The following ISM2 variants were observed in gnomAD, a reference collection of about 807,000 sequenced individuals.
ISM2 encodes isthmin-2.
In ISM2, 50 loss-of-function variants were observed where a neutral mutation model predicts 58.0. The ratio of observed to expected loss-of-function variants is 0.86; its 90% CI spans 0.69 to 1.09. The LOEUF (loss-of-function observed/expected upper bound fraction) is 1.09. Ranked by LOEUF, ISM2 falls within the 50% of genes least tolerant of loss-of-function variation. The pLI, the probability that ISM2 is intolerant of heterozygous loss-of-function variation, is 0.00. For synonymous variants in ISM2, 303 were observed against 312.4 expected (o/e 0.97, Z 0.32); for missense variants, 723 against 745.0 (o/e 0.97, Z 0.34).
At chr14:77,488,961 C>T (rs567233623) in intron 1 of ISM2, among the ~76,000 whole-genome samples, 1 of 152,316 alleles carries the variant, frequency 6.6e-6, no homozygotes, top group Admixed American at 6.5e-5. Context: ...TGTACAAACA[C>T]ACAAGGCCAT....
chr14:77,477,104 G>A (rs1281586679), intron 6 of ISM2, among the ~76,000 whole-genome samples: 1 of 152,100 alleles, frequency 6.6e-6, no homozygotes, highest in African/African-American at 2.4e-5. Flanking sequence ...CCAGAAAGAG[G>A]TGCCCCCCAG....
At chr14:77,498,298 T>C in intron 1 of ISM2, 1 of 1,343,426 alleles carries the variant, frequency 7.4e-7, no homozygotes, top group Non-Finnish European at 9.8e-7. Flanking sequence ...GCGGGACTCC[T>C]CTCCGAGCTA....
intron 3 of ISM2, 79 bp downstream of exon 3, chr14:77,484,244 A>T (rs2139961772): frequency 7.2e-6 from 11 of 1,525,952 alleles, no homozygotes; most frequent in African/African-American, 2.7e-5. Context: ...TCCAGGATAT[A>T]GGGTATCCTG....
chr14:77,481,035 G>A (rs1014373358), intron 4 of ISM2, among the ~76,000 whole-genome samples: 3 of 151,666 alleles, frequency 2.0e-5, no homozygotes, highest in Non-Finnish European at 4.4e-5. Flanking sequence ...ACCACAATAC[G>A]CAAAAATAAA....
chr14:77,496,492 GAAAA>G, intron 1 of ISM2, among the ~76,000 whole-genome samples: 1 of 139,056 alleles, frequency 7.2e-6, no homozygotes, highest in South Asian at 2.3e-4. Context: ...CCGTCTCCGG[GAAAA>G]AAAATAGCCG....
chr14:77,479,078 C>T (rs1033533588), intron 4 of ISM2, among the ~76,000 whole-genome samples: 1 of 152,130 alleles, frequency 6.6e-6, no homozygotes, highest in Non-Finnish European at 1.5e-5. Flanking sequence ...TTTTTAATTT[C>T]TTTTCTGTGT....
chr14:77,478,823 G>T, intron 4 of ISM2, 108 bp from the exon 5 acceptor site: 1 of 1,154,338 alleles, frequency 8.7e-7, no homozygotes, highest in Non-Finnish European at 1.3e-6. Context: ...CCATGCCAGG[G>T]CTTCCAGCCT....
intron 4 of ISM2, among the ~76,000 whole-genome samples, chr14:77,481,992 C>T (rs971645213): frequency 6.6e-6 from 1 of 150,768 alleles, no homozygotes; most frequent in Admixed American, 6.6e-5. Context: ...TCCAGCTATT[C>T]GGAGGCTAAG....
Position 77,498,787 on chromosome 14 carries a change from C to G in ISM2, c.7G>C (p.Ala3Pro). ...AGGAGCCCGGCTCGGTCGCGGAGCG[C>G]ACGCATCGTCTCGGTTCCGAGGCTG... MR[A>P]LRDRAGLLLC... The change falls in exon 1 of 7, where the codon GCG (alanine) becomes CCG (proline). Residue 3 changes from alanine (A) to proline (P), a missense_variant. Coordinates refer to ENST00000342219, the MANE Select transcript of ISM2 (RefSeq NM_199296.3). 6.9e-7 allele frequency: 1 copy of G among 1,444,920 alleles called. No individual in the cohort carries two copies. The highest frequency in any genetic ancestry group is 9.0e-7 in the Non-Finnish European group (1 of 1,108,612). The allele number at this position is 1,444,920 out of a possible 1,614,324, so 89.5% of individuals were successfully genotyped here.
At chr14:77,487,991 C>T (rs2079178569) in intron 1 of ISM2, among the ~76,000 whole-genome samples, 1 of 152,158 alleles carries the variant, frequency 6.6e-6, no homozygotes, top group Non-Finnish European at 1.5e-5. Context: ...CGTACATCTC[C>T]CAGAAGGGCT....
Position 77,475,347 on chromosome 14 carries a change from C to T in ISM2, c.*248G>A. The T allele has an allele frequency of 7.5e-6, 3 of 399,608 alleles. No homozygotes were observed. Among genetic ancestry groups the T allele is most frequent in the South Asian group, 1.2e-4 (2 of 16,126 alleles). 24.8% of individuals were successfully genotyped at this position (399,608 alleles called of 1,614,324 possible). A position where few individuals can be genotyped will look rare whatever the true frequency, so the allele number is the denominator to read the frequency against. ...AGGGAGGCCCCGGCAGACACATGCA[C>T]ATATGCACATTTCCAGGGCTCCCAG... On this transcript the variant is annotated 3_prime_UTR_variant, in exon 7 of 7. Coordinates refer to ENST00000342219, the MANE Select transcript of ISM2 (RefSeq NM_199296.3). The surrounding 1 kb of genome is among the most constrained non-coding windows in gnomAD (Gnocchi z 4.1).
chr14:77,476,510 A>G (rs1002467738), intron 6 of ISM2, among the ~76,000 whole-genome samples: 3 of 152,108 alleles, frequency 2.0e-5, no homozygotes, highest in Admixed American at 6.6e-5. Context: ...AGGTTTCATT[A>G]TTTTAGCCAC....
intron 4 of ISM2, 103 bp downstream of exon 4, chr14:77,482,219 C>A: frequency 1.2e-6 from 1 of 800,430 alleles, no homozygotes; most frequent in Non-Finnish European, 2.0e-6. Context: ...TCCTGGCTTC[C>A]TCAATGGTCT....
chr14:77,493,563 G>A (rs2079219994), intron 1 of ISM2, among the ~76,000 whole-genome samples: 1 of 152,072 alleles, frequency 6.6e-6, no homozygotes, highest in African/African-American at 2.4e-5. Context: ...CTTAGTTCAA[G>A]CAATTCTCCT....
intron 1 of ISM2, among the ~76,000 whole-genome samples, chr14:77,487,856 G>A (rs1451736179): frequency 6.6e-6 from 1 of 152,102 alleles, no homozygotes; most frequent in East Asian, 1.9e-4. Flanking sequence ...CAATCCCCCT[G>A]GGCTCCTCCG....
At chr14:77,489,753 G>A (rs777721270) in intron 1 of ISM2, among the ~76,000 whole-genome samples, 18 of 152,292 alleles carry the variant, frequency 1.2e-4, no homozygotes, top group South Asian at 6.2e-4. Flanking sequence ...AGTGCTCCCC[G>A]CACAGGGCCG....
chr14:77,485,403 C>T (rs1416645255), intron 1 of ISM2, among the ~76,000 whole-genome samples: 2 of 152,252 alleles, frequency 1.3e-5, no homozygotes, highest in Non-Finnish European at 2.9e-5. Context: ...GTCCGCTAGG[C>T]CCCACCCAGG....
At chr14:77,483,701 C>T (rs964866892) in intron 3 of ISM2, 1 of 152,046 alleles carries the variant, frequency 6.6e-6, no homozygotes, top group African/African-American at 2.4e-5. Flanking sequence ...AGAAGAGAGA[C>T]ACTTTTAAAT....
chr14:77,490,030 A>AT (rs1314450648), intron 1 of ISM2, among the ~76,000 whole-genome samples: 20 of 152,228 alleles, frequency 1.3e-4, no homozygotes, highest in Non-Finnish European at 2.2e-4. Context: ...TGCCCAGCTA[A>AT]TTTTTTGTAT....
Sources: allele counts gnomAD v4.1 joint callset (sites outside exome capture counted in the v4.1 genomes callset), GRCh38; gene constraint gnomAD v4.1.1; non-coding constraint Gnocchi (gnomAD v3.1); transcripts MANE v1.5; gene names NCBI Gene and HGNC (gene_info 2026-07-23, HGNC 2026-07-21).